NSUN3: variants seen among roughly 807,000 people sequenced by gnomAD.
NSUN3 encodes tRNA (cytosine(34)-C(5))-methyltransferase, mitochondrial.
Under a neutral mutation model 36.8 loss-of-function variants are expected in NSUN3, and 24 were observed. The ratio of observed to expected loss-of-function variants is 0.65; its 90% CI spans 0.47 to 0.92. The LOEUF (loss-of-function observed/expected upper bound fraction) is 0.92, where lower values mean the gene tolerates loss of function less well. Ranked by LOEUF, NSUN3 falls within the 40% of genes least tolerant of loss-of-function variation. The pLI is 0.00. For synonymous variants in NSUN3, 146 were observed against 145.2 expected (o/e 1.01, Z -0.04); for missense variants, 381 against 392.8 (o/e 0.97, Z 0.25).
In NSUN3 at chr3:94,064,427, A is replaced by G. The variant is rs376238046; in HGVS notation, c.13-10A>G. 2 of 1,575,956 alleles carry G rather than the reference A, an allele frequency of 1.3e-6. No individual in the cohort carries two copies. The highest frequency in any genetic ancestry group is 1.1e-5 in the South Asian group (1 of 90,140). Reference sequence around the variant, plus strand: ...CACTGTGTGTCAGCAACTTTTTCTTATCGTCATAGCTGAAAGCAAAATCAG... The same window carrying G: ...CACTGTGTGTCAGCAACTTTTTCTTGTCGTCATAGCTGAAAGCAAAATCAG... On this transcript the variant is annotated splice_polypyrimidine_tract_variant and intron_variant, in intron 1 of 5. Transcript: ENST00000314622.
rs1211435513 is a variant in NSUN3 at position 94,130,069 on chromosome 3, T to C, written c.*3579T>C. ...ACACCCACTGTGTATGTTGTCTTTA[T>C]TGATGCTTAAAACAAACTCAGGAAT... On this transcript the variant is annotated 3_prime_UTR_variant, in exon 6 of 6. Transcript: ENST00000314622. 6.6e-6 allele frequency among the ~76,000 whole-genome samples: 1 copy of C among 152,170 alleles called. No homozygotes were observed. Among genetic ancestry groups the C allele is most frequent in the Non-Finnish European group, 1.5e-5 (1 of 68,028 alleles).
intron 2 of NSUN3, among the ~76,000 whole-genome samples, chr3:94,074,300 A>G (rs573235481): frequency 6.6e-6 from 1 of 152,146 alleles, no homozygotes; most frequent in Non-Finnish European, 1.5e-5. Context: ...TTTTGATTCC[A>G]TATGAAGTTT....
At chr3:94,096,626 G>A (rs1283099075) in intron 5 of NSUN3, among the ~76,000 whole-genome samples, 1 of 152,136 alleles carries the variant, frequency 6.6e-6, no homozygotes, top group Non-Finnish European at 1.5e-5. Context: ...AGCCCCCCAA[G>A]TGGCTGGGAT....
At chr3:94,106,568 A>G (rs1045122871) in intron 5 of NSUN3, among the ~76,000 whole-genome samples, 9 of 152,228 alleles carry the variant, frequency 5.9e-5, no homozygotes, top group African/African-American at 2.2e-4. Context: ...AGTACCCTGA[A>G]ACTTAATTTT....
intron 3 of NSUN3, among the ~76,000 whole-genome samples, chr3:94,093,653 AGGAATAAT>A (rs1443023598): frequency 2.8e-4 from 43 of 152,320 alleles, no homozygotes; most frequent in African/African-American, 1.0e-3. Flanking sequence ...AGTTTTTAAA[AGGAATAAT>A]GGTTCCTGTG....
intron 5 of NSUN3, among the ~76,000 whole-genome samples, chr3:94,121,802 G>T (rs571056288): frequency 6.6e-6 from 1 of 152,248 alleles, no homozygotes; most frequent in South Asian, 2.1e-4. Context: ...GAACCTCAGG[G>T]AATACCTTTT....
At position 94,084,191 on chromosome 3, in the gene NSUN3, A is replaced by G; in HGVS notation, c.207A>G (p.Leu69=). ...ATCCTTTTGAACTGGAAAAGGATTT[A>G]CATTTGAAGGGCTATCACACACTCT... ...FNYPFELEKD[L]HLKGYHTLSQ... Residue 69 remains leucine, a synonymous_variant, in exon 3 of 6, where the codon TTA becomes TTG. Transcript: ENST00000314622. 2 of 1,614,152 alleles carry G rather than the reference A, an allele frequency of 1.2e-6. No homozygotes were observed. The highest frequency in any genetic ancestry group is 8.5e-7 in the Non-Finnish European group (1 of 1,179,986).
chr3:94,107,367 C>T (rs997945380), intron 5 of NSUN3, among the ~76,000 whole-genome samples: 2 of 152,056 alleles, frequency 1.3e-5, no homozygotes, highest in Middle Eastern at 3.4e-3. Flanking sequence ...GTGATCATGC[C>T]GCCTTGACCT....
chr3:94,084,887 A>T (rs2077285516), intron 3 of NSUN3: 1 of 156,242 alleles, frequency 6.4e-6, no homozygotes, highest in East Asian at 1.9e-4. Context: ...AATGTGAAGT[A>T]TATATATACC....
At chr3:94,075,516 A>G (rs2107239840) in intron 2 of NSUN3, among the ~76,000 whole-genome samples, 1 of 152,286 alleles carries the variant, frequency 6.6e-6, no homozygotes, top group African/African-American at 2.4e-5. Flanking sequence ...TTCTGTATTT[A>G]TACTTCATGG....
chr3:94,063,116 T>C lies in NSUN3; in HGVS notation c.-11T>C, dbSNP rs2077187318. ...GCGTACACCTGTTGTTTGAAAGCTC[T>C]CAGCGGGACAATGCTGACCCAGGTG... is the stretch of plus-strand genomic sequence containing the variant. On this transcript the variant is annotated 5_prime_UTR_variant, in exon 1 of 6. Transcript: ENST00000314622. The C allele has an allele frequency of 1.9e-6, 3 of 1,614,064 alleles. No homozygotes were observed. The highest frequency in any genetic ancestry group is 2.5e-6 in the Non-Finnish European group (3 of 1,179,994).
At chr3:94,108,637 G>A (rs1221220023) in intron 5 of NSUN3, among the ~76,000 whole-genome samples, 1 of 151,962 alleles carries the variant, frequency 6.6e-6, no homozygotes, top group Non-Finnish European at 1.5e-5. Context: ...GGGATTACAG[G>A]TGTGAGCCAC....
Position 94,064,479 on chromosome 3 carries a change from A to G in NSUN3, c.55A>G (p.Lys19Glu), listed in dbSNP as rs201866500. The change falls in exon 2 of 6, where the codon AAA (lysine) becomes GAA (glutamate). Residue 19 changes from lysine (K) to glutamate (E), a missense_variant. By Grantham distance (56) the Lys-to-Glu change is moderately conservative. Coordinates refer to ENST00000314622, the MANE Select transcript of NSUN3 (RefSeq NM_022072.5). ...GGGGAAGCTTGCAAAACAGATTTGC[A>G]AAGTTGTGTTGGATCATTTTGAAAA... Reference protein sequence around the residue: ...SEGKLAKQICKVVLDHFEKQY... With the variant: ...SEGKLAKQICEVVLDHFEKQY... The G allele has an allele frequency of 5.6e-6, 9 of 1,614,044 alleles. No homozygotes were observed. The East Asian group carries it at 1.6e-4, about 28-fold the overall frequency.
In NSUN3 at chr3:94,097,943, T is replaced by G. The variant is rs2077350059; in HGVS notation, c.743+2789T>G. Among the ~76,000 whole-genome samples, 4 of 152,166 alleles carry G rather than the reference T, an allele frequency of 2.6e-5. No individual in the cohort carries two copies. The South Asian group carries it at 8.3e-4, about 32-fold the overall frequency. On this transcript the variant is annotated intron_variant, in intron 5 of 5. Coordinates refer to ENST00000314622, the MANE Select transcript of NSUN3 (RefSeq NM_022072.5). Reference sequence around the variant, plus strand: ...CAAATATGAATCTAAGCTTAGATCTTTCTCCTTAGCCTCAGACCTACATAT... The same window carrying G: ...CAAATATGAATCTAAGCTTAGATCTGTCTCCTTAGCCTCAGACCTACATAT...
At chr3:94,073,953 A>T (rs958879678) in intron 2 of NSUN3, among the ~76,000 whole-genome samples, 4 of 152,148 alleles carry the variant, frequency 2.6e-5, no homozygotes, top group Non-Finnish European at 5.9e-5. Context: ...TAAGTCTTTA[A>T]TCCATCTTCA....
At chr3:94,103,722 T>C (rs1290304547) in intron 5 of NSUN3, among the ~76,000 whole-genome samples, 1 of 152,144 alleles carries the variant, frequency 6.6e-6, no homozygotes, top group African/African-American at 2.4e-5. Context: ...TTTATTCAGG[T>C]AGTTAGGAAT....
At chr3:94,067,743 A>G (rs1050345330) in intron 2 of NSUN3, among the ~76,000 whole-genome samples, 1 of 152,148 alleles carries the variant, frequency 6.6e-6, no homozygotes, top group Non-Finnish European at 1.5e-5. Context: ...TATATATAGG[A>G]AAGCTGAGGC....
chr3:94,100,446 A>G (rs1383907952), intron 5 of NSUN3, among the ~76,000 whole-genome samples: 1 of 152,204 alleles, frequency 6.6e-6, no homozygotes, highest in Non-Finnish European at 1.5e-5. Context: ...GAAATAGCAT[A>G]TAAAGGTGGT....
chr3:94,126,175 T>C (rs1375574502), intron 5 of NSUN3, 36 bp from the exon 6 acceptor site: 1 of 1,569,044 alleles, frequency 6.4e-7, no homozygotes. Flanking sequence ...TTTAATATAC[T>C]TAACTAATCT....
Sources: allele counts gnomAD v4.1 joint callset (sites outside exome capture counted in the v4.1 genomes callset), GRCh38; gene constraint gnomAD v4.1.1; transcripts MANE v1.5; gene names NCBI Gene and HGNC (gene_info 2026-07-23, HGNC 2026-07-21).